The following TTC13 variants were observed in gnomAD, a reference collection of about 807,000 sequenced individuals.
The protein encoded by TTC13 is tetratricopeptide repeat protein 13.
Under a neutral mutation model 120.0 loss-of-function variants are expected in TTC13, and 62 were observed. The ratio of observed to expected loss-of-function variants is 0.52; its 90% CI spans 0.42 to 0.64. The LOEUF (loss-of-function observed/expected upper bound fraction) is 0.64. Ranked by LOEUF, TTC13 falls within the 30% of genes least tolerant of loss-of-function variation. The pLI is 0.00. For missense variants in TTC13, 824 were observed against 1,050.2 expected (o/e 0.78, Z 2.98); for synonymous variants, 384 against 393.5 (o/e 0.98, Z 0.28).
At chr1:230,924,306 G>A (rs1302785358) in intron 14 of TTC13, among the ~76,000 whole-genome samples, 1 of 152,148 alleles carries the variant, frequency 6.6e-6, no homozygotes, top group Non-Finnish European at 1.5e-5. Flanking sequence ...ATGTAAATAG[G>A]TGATTGAAAA....
chr1:230,964,044 C>T (rs901761693), intron 1 of TTC13, among the ~76,000 whole-genome samples: 1 of 152,164 alleles, frequency 6.6e-6, no homozygotes, highest in African/African-American at 2.4e-5. Context: ...TGAGAACTTA[C>T]TATATGCCAG....
rs1678564272 is a variant in TTC13 at position 230,978,253 on chromosome 1, TCTC to T, written c.271+304_271+306del. ...CAGGGCTGCCCCGGGCCACCTGCCA[TCTC>T]CTCCGCCACCCTTCCAACAGTTGCT... On this transcript the variant is annotated intron_variant, in intron 1 of 22. Coordinates refer to ENST00000366661, the MANE Select transcript of TTC13 (RefSeq NM_024525.5). This position sits in a 1 kb window ranked among gnomAD's most constrained non-coding sequence, Gnocchi z 5.6. 6.6e-6 allele frequency among the ~76,000 whole-genome samples: 1 copy of T among 152,156 alleles called. No individual in the cohort carries two copies. The highest frequency in any genetic ancestry group is 6.5e-5 in the Admixed American group (1 of 15,298).
chr1:230,953,042 G>A (rs985291161), intron 4 of TTC13, among the ~76,000 whole-genome samples: 6 of 152,110 alleles, frequency 3.9e-5, no homozygotes, highest in South Asian at 2.1e-4. Flanking sequence ...TCCTATAAAC[G>A]TATCAAAACC....
chr1:230,950,182 C>G (rs905372898), intron 4 of TTC13, among the ~76,000 whole-genome samples: 1 of 151,900 alleles, frequency 6.6e-6, no homozygotes, highest in Non-Finnish European at 1.5e-5. Flanking sequence ...CAAATAAAAA[C>G]CAACGTTTAT....
intron 17 of TTC13, among the ~76,000 whole-genome samples, chr1:230,918,833 G>C (rs1672294196): frequency 6.6e-6 from 1 of 152,120 alleles, no homozygotes; most frequent in Non-Finnish European, 1.5e-5. Context: ...GATACACTTT[G>C]CTTATTCATA....
chr1:230,919,136 T>C (rs914817784), intron 17 of TTC13, among the ~76,000 whole-genome samples: 5 of 152,190 alleles, frequency 3.3e-5, no homozygotes, highest in Non-Finnish European at 7.3e-5. Flanking sequence ...CATTAGCATT[T>C]GCCTGGTATA....
At chr1:230,913,910 G>T (rs566272490) in intron 18 of TTC13, among the ~76,000 whole-genome samples, 4 of 152,190 alleles carry the variant, frequency 2.6e-5, no homozygotes, top group Non-Finnish European at 5.9e-5. Flanking sequence ...AGGCCACTTT[G>T]TGAGAGGCTG....
chr1:230,945,320 T>C, intron 5 of TTC13, 69 bp downstream of exon 5: 3 of 1,371,692 alleles, frequency 2.2e-6, no homozygotes, highest in Non-Finnish European at 3.1e-6. Flanking sequence ...ACAGTAGCAG[T>C]TCTAGCAAAA....
chr1:230,920,900 G>A (rs1267989230), intron 16 of TTC13, among the ~76,000 whole-genome samples: 1 of 152,160 alleles, frequency 6.6e-6, no homozygotes, highest in African/African-American at 2.4e-5. Context: ...TATGAGTTTG[G>A]TTCTTAAACT....
chr1:230,945,484 A>G (rs1346352694), intron 4 of TTC13, 30 bp from the exon 5 acceptor site: 1 of 1,605,482 alleles, frequency 6.2e-7, no homozygotes, highest in Non-Finnish European at 8.5e-7. Context: ...AACACGTCAA[A>G]AACCATAAAC....
At position 230,933,785 on chromosome 1, in the gene TTC13, G is replaced by T; in HGVS notation, c.977C>A (p.Ala326Glu). ...CTGTTATTATTTTACTCACCTATAT[G>T]CCTGCCCTAGACTTTTATATGCATC... is the stretch of plus-strand genomic sequence containing the variant. ...FIDAYKSLGQAYRELGNFEAA... is the reference protein window; with the variant it reads ...FIDAYKSLGQEYRELGNFEAA... Residue 326 changes from alanine (A) to glutamate (E), a missense_variant, in exon 9 of 23, where the codon GCA (alanine) becomes GAA (glutamate). Ala to Glu is a moderately radical substitution (Grantham distance 107). Coordinates refer to ENST00000366661, the MANE Select transcript of TTC13 (RefSeq NM_024525.5). 1 of 1,601,530 alleles carries T rather than the reference G, an allele frequency of 6.2e-7. No homozygotes were observed. The highest frequency in any genetic ancestry group is 1.1e-5 in the South Asian group (1 of 89,596).
At chr1:230,952,576 C>T (rs569082706) in intron 4 of TTC13, among the ~76,000 whole-genome samples, 4 of 152,140 alleles carry the variant, frequency 2.6e-5, no homozygotes, top group African/African-American at 4.8e-5. Flanking sequence ...GATGAAAATA[C>T]GATATCACAT....
intron 17 of TTC13, among the ~76,000 whole-genome samples, chr1:230,916,655 T>G (rs1672061710): frequency 6.6e-6 from 1 of 152,206 alleles, no homozygotes; most frequent in Non-Finnish European, 1.5e-5. Context: ...GGCAGAATAG[T>G]TGTACCTAAC....
At chr1:230,951,835 T>C (rs1199924900) in intron 4 of TTC13, among the ~76,000 whole-genome samples, 1 of 152,202 alleles carries the variant, frequency 6.6e-6, no homozygotes, top group Non-Finnish European at 1.5e-5. Flanking sequence ...ATGCAAATTA[T>C]GATTTGTGAT....
intron 2 of TTC13, among the ~76,000 whole-genome samples, chr1:230,958,973 G>A (rs78083850): frequency 0.054 from 8,280 of 152,236 alleles, 444 homozygotes; most frequent in African/African-American, 0.14. Flanking sequence ...CCCAGCCTGG[G>A]CAAAACAGTG....
chr1:230,960,320 C>A (rs1476775471), intron 2 of TTC13, among the ~76,000 whole-genome samples: 1 of 152,194 alleles, frequency 6.6e-6, no homozygotes, highest in Non-Finnish European at 1.5e-5. Flanking sequence ...AGTAAGAAGA[C>A]TTTCATAACT....
At chr1:230,925,454 T>C (rs900880284) in intron 13 of TTC13, 63 bp downstream of exon 13, 3 of 1,576,550 alleles carry the variant, frequency 1.9e-6, no homozygotes, top group African/African-American at 1.4e-5. Flanking sequence ...ATGCACAACA[T>C]GGCTTAACCA....
At chr1:230,977,719 T>G (rs1678471631) in intron 1 of TTC13, among the ~76,000 whole-genome samples, 1 of 151,978 alleles carries the variant, frequency 6.6e-6, no homozygotes, top group African/African-American at 2.4e-5. Flanking sequence ...GGAACTCACA[T>G]AGAGAAGGGG....
At chr1:230,968,617 AATG>A (rs1229007111) in intron 1 of TTC13, among the ~76,000 whole-genome samples, 1 of 152,150 alleles carries the variant, frequency 6.6e-6, no homozygotes, top group Non-Finnish European at 1.5e-5. Context: ...GCAAAGTCTG[AATG>A]GAGGCAGCAG....
Sources: allele counts gnomAD v4.1 joint callset (sites outside exome capture counted in the v4.1 genomes callset), GRCh38; gene constraint gnomAD v4.1.1; non-coding constraint Gnocchi (gnomAD v3.1); transcripts MANE v1.5; gene names NCBI Gene and HGNC (gene_info 2026-07-23, HGNC 2026-07-21).